Variants in ENOX1 observed in about 807,000 individuals in gnomAD.
The protein encoded by ENOX1 is ecto-NOX disulfide-thiol exchanger 1.
A neutral mutation model predicts 82.5 loss-of-function variants in ENOX1; 42 were observed. That is an observed-to-expected ratio of 0.51 (90% CI 0.40 to 0.66). ENOX1 has a LOEUF of 0.66. ENOX1 is among the 30% of genes least tolerant of loss of function. The pLI is 0.00. For missense variants in ENOX1, 608 were observed against 811.6 expected (o/e 0.75, Z 3.05); for synonymous variants, 271 against 282.2 (o/e 0.96, Z 0.40).
chr13:43,600,246 C>G (rs1419975900), intron 2 of ENOX1, among the ~76,000 whole-genome samples: 1 of 152,266 alleles, frequency 6.6e-6, no homozygotes, highest in African/African-American at 2.4e-5. Context: ...TTCTCAATTC[C>G]AGGTGTTGAC....
intron 1 of ENOX1, among the ~76,000 whole-genome samples, chr13:43,755,058 A>G (rs1950575694): frequency 6.8e-6 from 1 of 147,500 alleles, no homozygotes; most frequent in Non-Finnish European, 1.5e-5. Flanking sequence ...TCAATTCACC[A>G]GAATTCTATC....
chr13:43,472,413 G>T (rs1034792377), intron 3 of ENOX1, among the ~76,000 whole-genome samples: 3 of 152,148 alleles, frequency 2.0e-5, no homozygotes, highest in Non-Finnish European at 4.4e-5. Context: ...CTAAGTGAAT[G>T]AGCTAGTAGA....
intron 2 of ENOX1, among the ~76,000 whole-genome samples, chr13:43,629,771 T>TAA (rs2083126952): frequency 6.6e-6 from 1 of 152,242 alleles, no homozygotes; most frequent in Non-Finnish European, 1.5e-5. Flanking sequence ...ACATCTGCCA[T>TAA]TTTAGAGTCA....
intron 1 of ENOX1, among the ~76,000 whole-genome samples, chr13:43,686,311 G>A (rs933270620): frequency 2.6e-5 from 4 of 152,070 alleles, no homozygotes; most frequent in African/African-American, 9.7e-5. Context: ...ATCAGAGATG[G>A]GATGTGAATG....
At chr13:43,675,184 T>C (rs1438945090) in intron 1 of ENOX1, among the ~76,000 whole-genome samples, 1 of 152,156 alleles carries the variant, frequency 6.6e-6, no homozygotes, top group Non-Finnish European at 1.5e-5. Context: ...CAGAGGCTGA[T>C]GATGGTGGTC....
At chr13:43,357,789 C>T (rs2050244505) in intron 7 of ENOX1, among the ~76,000 whole-genome samples, 1 of 152,186 alleles carries the variant, frequency 6.6e-6, no homozygotes, top group Non-Finnish European at 1.5e-5. Flanking sequence ...ATTAGCTAGG[C>T]CTTCAAACGT....
chr13:43,751,932 G>T (rs1255231261), intron 1 of ENOX1, among the ~76,000 whole-genome samples: 3 of 152,168 alleles, frequency 2.0e-5, no homozygotes, highest in Non-Finnish European at 2.9e-5. Flanking sequence ...GTAGGTATAT[G>T]TTTGATTTTT....
intron 2 of ENOX1, among the ~76,000 whole-genome samples, chr13:43,563,864 TAA>T (rs2079800007): frequency 6.6e-6 from 1 of 151,796 alleles, no homozygotes; most frequent in Non-Finnish European, 1.5e-5. Context: ...GGTCTCGCAG[TAA>T]AGAAAAGCCC....
chr13:43,344,458 C>T, intron 9 of ENOX1, 80 bp downstream of exon 9: 1 of 1,155,112 alleles, frequency 8.7e-7, no homozygotes, highest in South Asian at 1.5e-5. Flanking sequence ...AACTACTTAC[C>T]CCCAAATGAA....
intron 15 of ENOX1, among the ~76,000 whole-genome samples, chr13:43,225,273 A>G (rs1044392832): frequency 6.6e-6 from 1 of 152,138 alleles, no homozygotes; most frequent in Non-Finnish European, 1.5e-5. Flanking sequence ...GGCGGGAGAG[A>G]GGGATGAGGG....
chr13:43,731,024 C>T (rs2089309175), intron 1 of ENOX1, among the ~76,000 whole-genome samples: 1 of 152,162 alleles, frequency 6.6e-6, no homozygotes, highest in Non-Finnish European at 1.5e-5. Flanking sequence ...CAGTTTCTTA[C>T]TCATCTGCGT....
chr13:43,268,501 A>T (rs1306185383), intron 13 of ENOX1, among the ~76,000 whole-genome samples: 5 of 152,168 alleles, frequency 3.3e-5, no homozygotes, highest in Admixed American at 6.6e-5. Context: ...TAATATCTGT[A>T]CTTTTCTCTC....
chr13:43,472,610 G>C (rs2058116117), intron 3 of ENOX1, among the ~76,000 whole-genome samples: 1 of 152,136 alleles, frequency 6.6e-6, no homozygotes, highest in Admixed American at 6.6e-5. Context: ...GGAAAATGTG[G>C]AGCATCATAT....
chr13:43,714,251 T>C (rs2087947284), intron 1 of ENOX1, among the ~76,000 whole-genome samples: 2 of 152,368 alleles, frequency 1.3e-5, no homozygotes, highest in South Asian at 4.1e-4. Flanking sequence ...TCCCGAGTTC[T>C]AGTTTGATTG....
At chr13:43,592,948 G>T (rs2081308419) in intron 2 of ENOX1, among the ~76,000 whole-genome samples, 1 of 152,126 alleles carries the variant, frequency 6.6e-6, no homozygotes, top group African/African-American at 2.4e-5. Context: ...AAATTGTTAA[G>T]GTTTTACTTA....
intron 11 of ENOX1, among the ~76,000 whole-genome samples, chr13:43,312,993 A>C (rs1211956977): frequency 1.3e-5 from 2 of 152,152 alleles, no homozygotes; most frequent in Non-Finnish European, 2.9e-5. Context: ...AGGCACTCAA[A>C]ATCCTTCGTT....
chr13:43,344,496 C>T lies in ENOX1; in HGVS notation c.1036+42G>A, dbSNP rs1256723366. 2.0e-6 allele frequency: 3 copies of T among 1,517,376 alleles called. No homozygotes were observed. The African/African-American group carries it at 4.2e-5, about 21-fold the overall frequency. The allele number at this position is 1,517,376 out of a possible 1,614,324, so 94.0% of individuals were successfully genotyped here. A position where few individuals can be genotyped will look rare whatever the true frequency, so the allele number is the denominator to read the frequency against. Reference sequence around the variant, plus strand: ...AGTAAAATTAATAAAAAAGAAAAGGCAAAATCACAACAAAAGAGATGGCCC... The same window carrying T: ...AGTAAAATTAATAAAAAAGAAAAGGTAAAATCACAACAAAAGAGATGGCCC... On this transcript the variant is annotated intron_variant, in intron 9 of 16. Coordinates refer to ENST00000690772, the MANE Select transcript of ENOX1 (RefSeq NM_001347969.2).
At chr13:43,245,427 G>C (rs573350556) in intron 14 of ENOX1, among the ~76,000 whole-genome samples, 2 of 152,186 alleles carry the variant, frequency 1.3e-5, no homozygotes, top group African/African-American at 2.4e-5. Context: ...AAGAATTAGA[G>C]AGGAAAGAGG....
At position 43,607,256 on chromosome 13, in the gene ENOX1, T is replaced by TA. The variant is rs577687789; in HGVS notation, c.-219+60222dup. Among the ~76,000 whole-genome samples the TA allele has an allele frequency of 7.9e-4, 118 of 150,258 alleles. 1 individual carries two copies. Among genetic ancestry groups the TA allele is most frequent in the Admixed American group, 5.1e-3 (77 of 15,094 alleles). On this transcript the variant is annotated intron_variant, in intron 2 of 16. Transcript: ENST00000690772. ...CTACGTAACCACAAAAATTAAAAAT[T>TA]AAAAAAAAAATCACAGAGTATTGGA...
Sources: gnomAD v4.1 joint callset for allele counts (sites outside exome capture counted in the v4.1 genomes callset) on GRCh38, gnomAD v4.1.1 for gene constraint, MANE v1.5 for transcripts, NCBI Gene and HGNC (gene_info 2026-07-23, HGNC 2026-07-21) for gene names.